Variants in PTPRG observed in about 807,000 individuals in gnomAD.
PTPRG encodes protein tyrosine phosphatase receptor type G.
In PTPRG, 102 loss-of-function variants were observed where a neutral mutation model predicts 165.3. The ratio of observed to expected loss-of-function variants is 0.62; its 90% confidence interval spans 0.53 to 0.73. The LOEUF (loss-of-function observed/expected upper bound fraction) is 0.73. Among genes scored for constraint, PTPRG ranks in the 30% least tolerant of loss-of-function variants. The pLI, the probability that PTPRG is intolerant of heterozygous loss-of-function variation, is 0.00. For missense variants in PTPRG, 1,866 were observed against 1,861.4 expected (o/e 1.00, Z -0.05); for synonymous variants, 675 against 669.5 (o/e 1.01, Z -0.13).
intron 2 of PTPRG, among the ~76,000 whole-genome samples, chr3:61,941,923 T>C (rs1262054731): frequency 1.3e-5 from 2 of 151,580 alleles, no homozygotes; most frequent in African/African-American, 4.8e-5. Context: ...CTTTGGAAGG[T>C]CGCGGCGGGT....
At chr3:62,160,336 T>G (rs1268173435) in intron 7 of PTPRG, among the ~76,000 whole-genome samples, 1 of 152,260 alleles carries the variant, frequency 6.6e-6, no homozygotes, top group Non-Finnish European at 1.5e-5. Context: ...TGCCAGCCTG[T>G]GCACTTGTAC....
At chr3:61,684,188 T>G (rs1373466810) in intron 1 of PTPRG, among the ~76,000 whole-genome samples, 1 of 152,160 alleles carries the variant, frequency 6.6e-6, no homozygotes, top group Non-Finnish European at 1.5e-5. Context: ...AGTAGTAAGG[T>G]GGTCACAACT....
At chr3:61,998,618 T>C (rs997990611) in intron 3 of PTPRG, among the ~76,000 whole-genome samples, 1 of 152,178 alleles carries the variant, frequency 6.6e-6, no homozygotes, top group Non-Finnish European at 1.5e-5. Flanking sequence ...TGCTCAGAAA[T>C]TTACTTCTTG....
At chr3:61,729,642 G>A (rs1208321723) in intron 1 of PTPRG, among the ~76,000 whole-genome samples, 1 of 152,050 alleles carries the variant, frequency 6.6e-6, no homozygotes, top group East Asian at 1.9e-4. Flanking sequence ...TTTGATTTGG[G>A]GAGTTATATG....
At chr3:62,220,587 C>A (rs774520704) in intron 13 of PTPRG, among the ~76,000 whole-genome samples, 1 of 152,090 alleles carries the variant, frequency 6.6e-6, no homozygotes, top group African/African-American at 2.4e-5. Flanking sequence ...CTGACGGTAA[C>A]CATAAGCCCT....
chr3:61,791,927 A>C (rs1227145940), intron 2 of PTPRG, among the ~76,000 whole-genome samples: 2 of 152,152 alleles, frequency 1.3e-5, no homozygotes, highest in Non-Finnish European at 2.9e-5. Flanking sequence ...CTCACTTTTT[A>C]GATTTTGTTA....
chr3:62,062,952 C>G (rs1700869903), intron 4 of PTPRG, among the ~76,000 whole-genome samples: 1 of 152,170 alleles, frequency 6.6e-6, no homozygotes, highest in Non-Finnish European at 1.5e-5. Flanking sequence ...CCATGCCCAG[C>G]CAATTTTGTG....
intron 28 of PTPRG, among the ~76,000 whole-genome samples, chr3:62,285,966 G>A (rs1702641900): frequency 6.6e-6 from 1 of 152,090 alleles, no homozygotes; most frequent in Non-Finnish European, 1.5e-5. Context: ...TGTCATGAGT[G>A]GACAATTAAA....
At chr3:61,973,541 A>G (rs2040431745) in intron 2 of PTPRG, among the ~76,000 whole-genome samples, 1 of 152,144 alleles carries the variant, frequency 6.6e-6, no homozygotes, top group Non-Finnish European at 1.5e-5. Context: ...GTTTAAGAAA[A>G]TGATTTGGGT....
chr3:61,810,278 G>A (rs2035535908), intron 2 of PTPRG, among the ~76,000 whole-genome samples: 1 of 152,172 alleles, frequency 6.6e-6, no homozygotes. Context: ...TTAGGGTGCA[G>A]GTAGGATATC....
At chr3:61,694,021 A>AG (rs200143865) in intron 1 of PTPRG, among the ~76,000 whole-genome samples, 3,782 of 148,430 alleles carry the variant, frequency 0.025, 167 homozygotes, top group African/African-American at 0.088. Context: ...AAAAAAAAAA[A>AG]AAAAAGAGAG....
intron 2 of PTPRG, among the ~76,000 whole-genome samples, chr3:61,904,595 C>G (rs1441128619): frequency 1.3e-5 from 2 of 152,212 alleles, no homozygotes; most frequent in South Asian, 4.1e-4. Context: ...TCATATCTAC[C>G]TAGTTTCATG....
chr3:61,608,028 C>A (rs1214022176), intron 1 of PTPRG, among the ~76,000 whole-genome samples: 1 of 151,770 alleles, frequency 6.6e-6, no homozygotes, highest in Non-Finnish European at 1.5e-5. Flanking sequence ...TTAATGAATT[C>A]AGCTTTTATT....
chr3:62,288,270 C>CAAAT (rs1454242397), intron 28 of PTPRG, among the ~76,000 whole-genome samples: 1 of 151,386 alleles, frequency 6.6e-6, no homozygotes, highest in Non-Finnish European at 1.5e-5. Flanking sequence ...GAATTAAAAG[C>CAAAT]AAATAGAAGG....
intron 2 of PTPRG, among the ~76,000 whole-genome samples, chr3:61,890,601 T>C (rs1314707297): frequency 6.6e-6 from 1 of 152,152 alleles, no homozygotes; most frequent in Non-Finnish European, 1.5e-5. Context: ...TTTACTACCT[T>C]CTATCCATTT....
chr3:62,169,711 C>G (rs1260415162), intron 8 of PTPRG, among the ~76,000 whole-genome samples: 1 of 152,124 alleles, frequency 6.6e-6, no homozygotes, highest in Non-Finnish European at 1.5e-5. Context: ...CAGTGCTATC[C>G]TTCTTCAAAA....
intron 1 of PTPRG, among the ~76,000 whole-genome samples, chr3:61,716,650 C>T (rs1559571573): frequency 6.6e-6 from 1 of 152,108 alleles, no homozygotes; most frequent in East Asian, 1.9e-4. Flanking sequence ...ACTTAAACTA[C>T]CTGGTAAAAA....
chr3:61,993,914 A>G (rs1319281104), intron 3 of PTPRG, among the ~76,000 whole-genome samples: 3 of 151,974 alleles, frequency 2.0e-5, no homozygotes, highest in African/African-American at 4.8e-5. Flanking sequence ...CTCCCATAAA[A>G]CAGCTTAAAT....
intron 2 of PTPRG, among the ~76,000 whole-genome samples, chr3:61,794,108 C>T (rs912069560): frequency 6.6e-6 from 1 of 152,126 alleles, no homozygotes; most frequent in African/African-American, 2.4e-5. Context: ...GACTTGAGCA[C>T]AGAAGGCCAT....
Sources: allele counts gnomAD v4.1 joint callset (sites outside exome capture counted in the v4.1 genomes callset), GRCh38; gene constraint gnomAD v4.1.1; transcripts MANE v1.5; gene names NCBI Gene and HGNC (gene_info 2026-07-23, HGNC 2026-07-21).